The following MAPRE2 variants were observed in gnomAD, a reference collection of about 807,000 sequenced individuals.
The protein encoded by MAPRE2 is microtubule associated protein RP/EB family member 2.
A neutral mutation model predicts 43.2 loss-of-function variants in MAPRE2; 13 were observed. The observed-to-expected ratio is 0.30, with a 90% confidence interval of 0.20 to 0.48. MAPRE2 has a LOEUF of 0.48. MAPRE2 is among the 20% of genes least tolerant of loss of function. MAPRE2 has a pLI of 0.99. For synonymous variants in MAPRE2, 135 were observed against 148.8 expected (o/e 0.91, Z 0.68); for missense variants, 161 against 400.2 (o/e 0.40, Z 5.10).
intron 1 of MAPRE2, among the ~76,000 whole-genome samples, chr18:35,055,565 A>G (rs1312580): frequency 0.07 from 5,082 of 72,202 alleles, 270 homozygotes; most frequent in African/African-American, 0.19. Context: ...GTGTGTGTGT[A>G]TGTGTGTGTG....
At chr18:35,085,640 A>C (rs753410165) in intron 2 of MAPRE2, among the ~76,000 whole-genome samples, 6 of 152,236 alleles carry the variant, frequency 3.9e-5, no homozygotes, top group Non-Finnish European at 7.3e-5. Flanking sequence ...AAGCAAGAGC[A>C]CTGGCAAACA....
At chr18:35,105,087 G>A (rs1603401509) in intron 4 of MAPRE2, among the ~76,000 whole-genome samples, 1 of 152,090 alleles carries the variant, frequency 6.6e-6, no homozygotes, top group East Asian at 1.9e-4. Flanking sequence ...TCGTTTTCTA[G>A]GAATTCCCTC....
intron 1 of MAPRE2, among the ~76,000 whole-genome samples, chr18:34,985,719 A>G (rs542457578): frequency 1.4e-4 from 13 of 94,694 alleles, no homozygotes; most frequent in African/African-American, 4.3e-4. Context: ...TATATCATAT[A>G]ATATGTAATA....
At chr18:35,104,749 A>T (rs867837710) in intron 4 of MAPRE2, among the ~76,000 whole-genome samples, 2 of 152,264 alleles carry the variant, frequency 1.3e-5, no homozygotes, top group Middle Eastern at 6.8e-3. Context: ...AGCAGTTTTC[A>T]TCAGTCTAGG....
At chr18:35,068,165 A>G (rs1603397135) in intron 1 of MAPRE2, among the ~76,000 whole-genome samples, 1 of 152,340 alleles carries the variant, frequency 6.6e-6, no homozygotes, top group East Asian at 1.9e-4. Context: ...TCCAAACACA[A>G]CTATTTCATA....
intron 1 of MAPRE2, among the ~76,000 whole-genome samples, chr18:35,063,525 A>C (rs568394370): frequency 7.7e-4 from 117 of 151,876 alleles, no homozygotes; most frequent in African/African-American, 2.1e-3. Context: ...TAAATCCAAA[A>C]GGCCCTTTAA....
At chr18:35,122,240 A>G (rs1909709882) in intron 4 of MAPRE2, among the ~76,000 whole-genome samples, 1 of 152,188 alleles carries the variant, frequency 6.6e-6, no homozygotes, top group South Asian at 2.1e-4. Context: ...TCCGTTTCAA[A>G]TTGCAGCTTG....
At chr18:35,023,354 TAC>T in intron 2 of MAPRE2, among the ~76,000 whole-genome samples, 1 of 151,572 alleles carries the variant, frequency 6.6e-6, no homozygotes. Context: ...CTACTAAAAA[TAC>T]AAAAATTTAG....
At chr18:35,130,157 G>C (rs576005397) in intron 5 of MAPRE2, among the ~76,000 whole-genome samples, 2 of 151,972 alleles carry the variant, frequency 1.3e-5, no homozygotes, top group African/African-American at 4.8e-5. Flanking sequence ...GGCTGGGGGG[G>C]GGTGGCACAT....
At chr18:34,986,542 A>G (rs1009364730) in intron 1 of MAPRE2, among the ~76,000 whole-genome samples, 2 of 152,092 alleles carry the variant, frequency 1.3e-5, no homozygotes, top group South Asian at 2.1e-4. Context: ...CTTGCCCTCT[A>G]TTGTGATTTT....
chr18:35,092,633 ACTC>A (rs1908207115), intron 2 of MAPRE2, among the ~76,000 whole-genome samples: 1 of 152,144 alleles, frequency 6.6e-6, no homozygotes, highest in Non-Finnish European at 1.5e-5. Context: ...GAACAAAAAA[ACTC>A]CTTCACAGCA....
intron 1 of MAPRE2, among the ~76,000 whole-genome samples, chr18:35,004,389 G>A (rs900407719): frequency 1.3e-5 from 2 of 152,114 alleles, no homozygotes; most frequent in Non-Finnish European, 2.9e-5. Context: ...TGGAAAGTGG[G>A]GAAGAGAGTT....
intron 1 of MAPRE2, among the ~76,000 whole-genome samples, chr18:35,001,365 A>G (rs1202552168): frequency 6.6e-6 from 1 of 152,092 alleles, no homozygotes; most frequent in Non-Finnish European, 1.5e-5. Flanking sequence ...AAATACAAAA[A>G]TTAGTGGGTG....
At chr18:35,115,539 G>A (rs575357974) in intron 4 of MAPRE2, among the ~76,000 whole-genome samples, 3 of 150,372 alleles carry the variant, frequency 2.0e-5, no homozygotes, top group East Asian at 2.0e-4. Context: ...CCCCACCCCC[G>A]AATCCCCAAA....
At chr18:35,042,515 A>G (rs1306656531) in intron 1 of MAPRE2, among the ~76,000 whole-genome samples, 2 of 152,182 alleles carry the variant, frequency 1.3e-5, no homozygotes, top group African/African-American at 4.8e-5. Flanking sequence ...GTTCCAGTAG[A>G]TAAGCTCATT....
chr18:35,016,566 G>T (rs147830902), intron 2 of MAPRE2, among the ~76,000 whole-genome samples: 1 of 151,944 alleles, frequency 6.6e-6, no homozygotes, highest in Non-Finnish European at 1.5e-5. Context: ...GTGATGTGGA[G>T]CATTTTTCAT....
At chr18:35,055,569 G>GTGTGTA (rs1906185856) in intron 1 of MAPRE2, among the ~76,000 whole-genome samples, 2 of 151,770 alleles carry the variant, frequency 1.3e-5, no homozygotes, top group South Asian at 2.1e-4. Flanking sequence ...GTGTGTATGT[G>GTGTGTA]TGTGTGTGTG....
At chr18:35,071,776 C>T (rs1907128399) in intron 2 of MAPRE2, among the ~76,000 whole-genome samples, 1 of 152,166 alleles carries the variant, frequency 6.6e-6, no homozygotes, top group Non-Finnish European at 1.5e-5. Flanking sequence ...TCAGAATACT[C>T]CTAGAGCACT....
intron 2 of MAPRE2, among the ~76,000 whole-genome samples, chr18:35,011,342 G>A (rs574861422): frequency 1.3e-5 from 2 of 152,288 alleles, no homozygotes; most frequent in Non-Finnish European, 2.9e-5. Context: ...AAATTGTTTG[G>A]GCAGAAAGAG....
Sources: allele counts gnomAD v4.1 joint callset (sites outside exome capture counted in the v4.1 genomes callset), GRCh38; gene constraint gnomAD v4.1.1; transcripts MANE v1.5; gene names NCBI Gene and HGNC (gene_info 2026-07-23, HGNC 2026-07-21).